Variants in FRMPD4 observed in about 807,000 individuals in gnomAD.
FRMPD4 encodes FERM and PDZ domain-containing protein 4.
A neutral mutation model predicts 94.1 loss-of-function variants in FRMPD4; 22 were observed. The ratio of observed to expected loss-of-function variants is 0.23; its 90% CI spans 0.17 to 0.33. The LOEUF (loss-of-function observed/expected upper bound fraction) is 0.33, where lower values mean the gene tolerates loss of function less well. Among genes scored for constraint, FRMPD4 ranks in the 10% least tolerant of loss-of-function variants. The probability of loss-of-function intolerance (pLI) is 1.00; values close to 1 mark genes in which losing one functional copy is unlikely to be tolerated. For missense variants in FRMPD4, 1,111 were observed against 1,339.9 expected, an observed-to-expected ratio of 0.83 and a Z score of 2.67; for synonymous variants, 631 against 548.6, an observed-to-expected ratio of 1.15 and a Z score of -2.10.
intron 2 of FRMPD4, among the ~76,000 whole-genome samples, chrX:12,516,952 A>T (rs2058105444): frequency 1.1e-5 from 1 of 92,453 alleles, no homozygotes; most frequent in African/African-American, 4.2e-5. Context: ...TTTCAGCAAG[A>T]TAGTCTTCAT....
intron 1 of FRMPD4, chrX:12,395,692 C>T (rs1473607356): frequency 8.9e-6 from 1 of 112,367 alleles, no homozygotes; most frequent in Non-Finnish European, 1.9e-5. Flanking sequence ...GCAGTGATGA[C>T]TGTGCTTTGG....
In FRMPD4 at chrX:12,218,383, G is replaced by T. The variant is rs1315663101; in HGVS notation, c.41+79371G>T. 2.7e-5 allele frequency among the ~76,000 whole-genome samples: 3 copies of T among 111,734 alleles called. No homozygotes were observed. The East Asian group carries it at 8.4e-4, about 31-fold the overall frequency. ...CAATAGGAGTCTCAGCATGGGCTTG[G>T]GGGTGGTAGGAGTGAGCAATCATCA... is the stretch of plus-strand genomic sequence containing the variant. On this transcript the variant is annotated intron_variant, in intron 1 of 16. Coordinates refer to ENST00000675598, the MANE Select transcript of FRMPD4 (RefSeq NM_001368397.1).
intron 1 of FRMPD4, among the ~76,000 whole-genome samples, chrX:12,480,971 C>A: frequency 9.0e-6 from 1 of 111,638 alleles, no homozygotes; most frequent in Non-Finnish European, 1.9e-5. Flanking sequence ...ATCTTGAGAT[C>A]CACAGAACAG....
chrX:11,839,240 T>C (rs1447393755), intron 1 of FRMPD4, among the ~76,000 whole-genome samples: 1 of 111,943 alleles, frequency 8.9e-6, no homozygotes, highest in Non-Finnish European at 1.9e-5. Context: ...GGGTTCTAGT[T>C]TCTCCAAATC....
At chrX:12,537,000 C>T (rs1425388992) in intron 2 of FRMPD4, among the ~76,000 whole-genome samples, 1 of 111,037 alleles carries the variant, frequency 9.0e-6, no homozygotes, top group Non-Finnish European at 1.9e-5. Context: ...TTTTTATATC[C>T]CCTTAAATTT....
intron 1 of FRMPD4, among the ~76,000 whole-genome samples, chrX:11,864,258 A>G (rs1251446379): frequency 9.1e-6 from 1 of 109,405 alleles, no homozygotes; most frequent in Non-Finnish European, 1.9e-5. Context: ...GAAAGTTAAC[A>G]AGAGTGAAGG....
At chrX:12,537,573 C>T (rs1434244236) in intron 2 of FRMPD4, among the ~76,000 whole-genome samples, 5 of 106,236 alleles carry the variant, frequency 4.7e-5, no homozygotes, top group Non-Finnish European at 9.7e-5. Flanking sequence ...CCACTTCAGC[C>T]TCTGGAGTAT....
intron 2 of FRMPD4, among the ~76,000 whole-genome samples, chrX:12,585,499 A>C (rs1315400050): frequency 8.9e-6 from 1 of 112,206 alleles, no homozygotes; most frequent in Non-Finnish European, 1.9e-5. Context: ...GATTACAGGT[A>C]TGAGCCACTG....
At chrX:12,213,814 G>A (rs767439990) in intron 1 of FRMPD4, among the ~76,000 whole-genome samples, 49 of 112,036 alleles carry the variant, frequency 4.4e-4, no homozygotes, top group Non-Finnish European at 8.3e-4. Flanking sequence ...CCAAATTCTG[G>A]TGAGGTGACT....
chrX:12,105,240 C>T (rs893139876), intron 3 of FRMPD4, among the ~76,000 whole-genome samples: 12 of 112,017 alleles, frequency 1.1e-4, no homozygotes, highest in African/African-American at 3.9e-4. Flanking sequence ...GCACTTACTC[C>T]TCAGGTTATG....
intron 3 of FRMPD4, among the ~76,000 whole-genome samples, chrX:12,129,350 A>C (rs1238008159): frequency 9.0e-6 from 1 of 111,664 alleles, no homozygotes; most frequent in African/African-American, 3.3e-5. Flanking sequence ...GTGCCAAGCA[A>C]AGGGGAAAAA....
At chrX:12,581,407 G>GA (rs2148377917) in intron 2 of FRMPD4, among the ~76,000 whole-genome samples, 1 of 105,680 alleles carries the variant, frequency 9.5e-6, no homozygotes, top group African/African-American at 3.5e-5. Context: ...TCTCAGCAGA[G>GA]AACTAGAAAT....
intron 2 of FRMPD4, among the ~76,000 whole-genome samples, chrX:12,508,110 T>C (rs2058004577): frequency 8.9e-6 from 1 of 112,387 alleles, no homozygotes. Context: ...TTGTCCATAG[T>C]GTTTTGGAAA....
chrX:11,897,924 T>C (rs1384897156), intron 3 of FRMPD4, among the ~76,000 whole-genome samples: 1 of 111,797 alleles, frequency 8.9e-6, no homozygotes, highest in African/African-American at 3.2e-5. Context: ...CAAGGGCTCA[T>C]TGAGGAGCTG....
intron 1 of FRMPD4, among the ~76,000 whole-genome samples, chrX:12,344,770 T>C (rs1209024694): frequency 8.9e-6 from 1 of 112,012 alleles, no homozygotes; most frequent in East Asian, 2.8e-4. Context: ...CTTTTCGTTG[T>C]TGTTTTTGCA....
intron 3 of FRMPD4, among the ~76,000 whole-genome samples, chrX:11,923,472 C>G (rs1398232167): frequency 2.7e-5 from 3 of 112,018 alleles, no homozygotes; most frequent in Non-Finnish European, 5.6e-5. Flanking sequence ...CCTACCCCAG[C>G]TGCATTGCCT....
intron 1 of FRMPD4, among the ~76,000 whole-genome samples, chrX:12,332,040 A>G (rs59587236): frequency 1.4e-5 from 1 of 71,811 alleles, no homozygotes; most frequent in African/African-American, 6.3e-5. Flanking sequence ...ATATTTATAT[A>G]CTATATATAA....
At chrX:12,472,465 G>A (rs2057525368) in intron 1 of FRMPD4, among the ~76,000 whole-genome samples, 1 of 112,202 alleles carries the variant, frequency 8.9e-6, no homozygotes, top group Non-Finnish European at 1.9e-5. Flanking sequence ...CAAGAACTCT[G>A]GTCATGGAGC....
At chrX:12,092,353 T>G (rs1425295109) in intron 3 of FRMPD4, among the ~76,000 whole-genome samples, 2 of 112,354 alleles carry the variant, frequency 1.8e-5, no homozygotes, top group African/African-American at 6.5e-5. Flanking sequence ...GGACTGAAAC[T>G]TTGATGTTTT....
Sources: gnomAD v4.1 joint callset for allele counts (sites outside exome capture counted in the v4.1 genomes callset) on GRCh38, gnomAD v4.1.1 for gene constraint, MANE v1.5 for transcripts, NCBI Gene and HGNC (gene_info 2026-07-23, HGNC 2026-07-21) for gene names.